DOCK1: variants seen among roughly 807,000 people sequenced by gnomAD.
DOCK1 encodes dedicator of cytokinesis protein 1.
Under a neutral mutation model 262.7 loss-of-function variants are expected in DOCK1, and 138 were observed. The observed-to-expected ratio is 0.53, with a 90% CI of 0.46 to 0.61. The LOEUF (loss-of-function observed/expected upper bound fraction) is 0.61, where lower values mean the gene tolerates loss of function less well. Among genes scored for constraint, DOCK1 ranks in the 20% least tolerant of loss-of-function variants. The pLI is 0.00. For missense variants in DOCK1, 1,908 were observed against 2,370.7 expected, an observed-to-expected ratio of 0.80 and a Z score of 4.05; for synonymous variants, 866 against 867.4, an observed-to-expected ratio of 1.00 and a Z score of 0.03.
chr10:127,063,462 C>T lies in DOCK1; in HGVS notation c.2445+1686C>T, dbSNP rs149298742. On this transcript the variant is annotated intron_variant, in intron 23 of 51. Transcript: ENST00000623213. ...GTGGAGCCATTTGGACTCTTCACTA[C>T]GATTTCTTGATTTTTTTTTTACATG... 2.5e-4 allele frequency among the ~76,000 whole-genome samples: 38 copies of T among 151,920 alleles called. No individual in the cohort carries two copies. The East Asian group carries it at 3.5e-3, about 14-fold the overall frequency.
At chr10:127,242,337 G>A (rs992423019) in intron 27 of DOCK1, among the ~76,000 whole-genome samples, 1 of 152,168 alleles carries the variant, frequency 6.6e-6, no homozygotes, top group Non-Finnish European at 1.5e-5. Flanking sequence ...GGTTTTGTTT[G>A]TTTTTTGGAC....
chr10:127,325,215 C>T (rs1009266887), intron 29 of DOCK1, among the ~76,000 whole-genome samples: 5 of 152,108 alleles, frequency 3.3e-5, no homozygotes, highest in African/African-American at 1.2e-4. Context: ...TAAGAATAGC[C>T]GAAGCACCCA....
At position 127,327,756 on chromosome 10, in the gene DOCK1, T is replaced by C. The variant is rs139809406; in HGVS notation, c.3045-11250T>C. 1.1e-4 allele frequency among the ~76,000 whole-genome samples: 16 copies of C among 152,286 alleles called. No homozygotes were observed. The East Asian group carries it at 3.1e-3, about 29-fold the overall frequency. ...CAGCTGGTAGGACCCAGCCTCTCTA[T>C]AGACACTGAGGCTTCTAATCTCCTT... On this transcript the variant is annotated intron_variant, in intron 29 of 51. Coordinates refer to ENST00000623213, the MANE Select transcript of DOCK1 (RefSeq NM_001290223.2).
intron 29 of DOCK1, among the ~76,000 whole-genome samples, chr10:127,302,788 A>G (rs1183674970): frequency 1.4e-4 from 17 of 123,560 alleles, no homozygotes; most frequent in East Asian, 4.6e-4. Context: ...GTGTGTGTGT[A>G]TTGTCAAAAA....
chr10:127,057,240 A>G (rs559484294), intron 22 of DOCK1, among the ~76,000 whole-genome samples: 206 of 152,330 alleles, frequency 1.4e-3, no homozygotes, highest in African/African-American at 4.8e-3. Flanking sequence ...CCTTGAGAGA[A>G]AAACAATTGT....
chr10:127,113,217 T>C (rs1381194423), intron 25 of DOCK1, among the ~76,000 whole-genome samples: 1 of 152,176 alleles, frequency 6.6e-6, no homozygotes, highest in Non-Finnish European at 1.5e-5. Context: ...TGAACTCTCT[T>C]TGTGTTCAGA....
chr10:127,061,617 A>T, intron 22 of DOCK1, 51 bp from the exon 23 acceptor site: 1 of 1,489,096 alleles, frequency 6.7e-7, no homozygotes, highest in Non-Finnish European at 9.2e-7. Flanking sequence ...GGATTCAAAA[A>T]ATGTTGAGGT....
intron 33 of DOCK1, among the ~76,000 whole-genome samples, chr10:127,373,150 G>A (rs957182806): frequency 1.3e-5 from 2 of 152,118 alleles, no homozygotes; most frequent in Non-Finnish European, 2.9e-5. Flanking sequence ...TGGTACTGGC[G>A]ACCCTTCTGC....
intron 15 of DOCK1, 114 bp from the exon 16 acceptor site, chr10:127,026,238 T>C: frequency 9.7e-7 from 1 of 1,035,390 alleles, no homozygotes; most frequent in Non-Finnish European, 1.5e-6. Flanking sequence ...TACAGTATTT[T>C]CACCACTGCA....
At chr10:126,909,164 G>A (rs9422853) in intron 1 of DOCK1, among the ~76,000 whole-genome samples, 37,569 of 152,046 alleles carry the variant, frequency 0.25, 5,307 homozygotes, top group East Asian at 0.52. Context: ...TCCTATGTTT[G>A]GAAGCACAGT....
At chr10:127,024,566 TG>T in intron 14 of DOCK1, 118 bp from the exon 15 acceptor site, 1 of 791,162 alleles carries the variant, frequency 1.3e-6, no homozygotes. Flanking sequence ...TGTTCATTTG[TG>T]GTGGGGGTGT....
At chr10:126,921,067 G>T (rs1398562058) in intron 1 of DOCK1, among the ~76,000 whole-genome samples, 1 of 152,116 alleles carries the variant, frequency 6.6e-6, no homozygotes, top group Non-Finnish European at 1.5e-5. Context: ...GGGCGTGGTG[G>T]TTCGCACCTG....
intron 4 of DOCK1, among the ~76,000 whole-genome samples, chr10:126,986,675 T>C (rs1015179543): frequency 6.6e-6 from 1 of 152,158 alleles, no homozygotes; most frequent in African/African-American, 2.4e-5. Flanking sequence ...TTTGGGAGGC[T>C]GAGGTGGGAG....
chr10:126,959,063 T>G (rs1359831736), intron 1 of DOCK1, among the ~76,000 whole-genome samples: 1 of 152,198 alleles, frequency 6.6e-6, no homozygotes, highest in Non-Finnish European at 1.5e-5. Flanking sequence ...GTAGGTGAAT[T>G]TAAACATTTT....
intron 30 of DOCK1, 95 bp from the exon 31 acceptor site, chr10:127,343,551 T>G: frequency 1.0e-6 from 1 of 1,004,832 alleles, no homozygotes; most frequent in Non-Finnish European, 1.5e-6. Context: ...TTTTCAGAAG[T>G]GTGTGCTGAG....
In DOCK1 at chr10:127,090,957, C is replaced by T. The variant is rs1011493573; in HGVS notation, c.2446-15274C>T. ...TAGAGCTGCTATGAGCATTCCTGTACAGGCTTCTGTTTGAACGTCTATTTG... is the reference window on the plus strand; with the variant it reads ...TAGAGCTGCTATGAGCATTCCTGTATAGGCTTCTGTTTGAACGTCTATTTG... On this transcript the variant is annotated intron_variant, in intron 23 of 51. Transcript: ENST00000623213. Among the ~76,000 whole-genome samples the T allele has an allele frequency of 2.6e-5, 4 of 151,008 alleles. No homozygotes were observed. In the East Asian group the frequency reaches 7.8e-4, roughly 29 times the overall value.
At chr10:127,186,521 C>CG (rs2056277411) in intron 27 of DOCK1, among the ~76,000 whole-genome samples, 2 of 84,798 alleles carry the variant, frequency 2.4e-5, no homozygotes, top group African/African-American at 7.9e-5. Flanking sequence ...CCCCGCCCCC[C>CG]CCCGATCCAG....
At chr10:127,007,874 A>G (rs2041153145) in intron 10 of DOCK1, among the ~76,000 whole-genome samples, 1 of 152,256 alleles carries the variant, frequency 6.6e-6, no homozygotes, top group Non-Finnish European at 1.5e-5. Context: ...TTTGCCTTGA[A>G]GTGTCCTCTT....
chr10:127,333,192 C>T (rs1214458577), intron 29 of DOCK1, among the ~76,000 whole-genome samples: 2 of 152,130 alleles, frequency 1.3e-5, no homozygotes, highest in Non-Finnish European at 2.9e-5. Flanking sequence ...TTTAAATGCC[C>T]TCATATTGAA....
Sources: allele counts gnomAD v4.1 joint callset (sites outside exome capture counted in the v4.1 genomes callset), GRCh38; gene constraint gnomAD v4.1.1; transcripts MANE v1.5; gene names NCBI Gene and HGNC (gene_info 2026-07-23, HGNC 2026-07-21).